Variants in TENM2 observed in about 807,000 individuals in gnomAD.
TENM2 encodes the protein teneurin-2.
Under a neutral mutation model 245.2 loss-of-function variants are expected in TENM2, and 52 were observed. That is an observed-to-expected ratio of 0.21 (90% confidence interval 0.17 to 0.27). The LOEUF (loss-of-function observed/expected upper bound fraction) is 0.27, where lower values mean the gene tolerates loss of function less well. Among genes scored for constraint, TENM2 ranks in the 10% least tolerant of loss-of-function variants. TENM2 has a pLI of 1.00. For synonymous variants in TENM2, 1,363 were observed against 1,438.9 expected (o/e 0.95, Z 1.19); for missense variants, 3,046 against 3,666.8 (o/e 0.83, Z 4.37).
the TENM2 span, among the ~76,000 whole-genome samples, chr5:167,238,995 C>A: frequency 7.2e-5 from 11 of 152,170 alleles, no homozygotes; most frequent in African/African-American, 2.4e-4. Flanking sequence ...TATTTGCATA[C>A]TTGGTTCGTA....
At position 167,316,053 on chromosome 5, in the gene TENM2, T is replaced by G. The variant is rs754511978; in HGVS notation, c.226+30990T>G. On this transcript the variant is annotated intron_variant, in intron 1 of 28. Coordinates refer to ENST00000518659, the Ensembl canonical transcript of TENM2. ...CTCTTCCTGCCTACTCTCTATAAAA[T>G]ATAAAGTTCTGTGTACCCCACTTGC... is the stretch of plus-strand genomic sequence containing the variant. 3.7e-4 allele frequency among the ~76,000 whole-genome samples: 57 copies of G among 152,302 alleles called. 1 individual carries two copies. The highest frequency in any genetic ancestry group is 4.9e-4 in the Non-Finnish European group (33 of 68,016).
chr5:168,203,594 C>A (rs925610083), intron 17 of TENM2, 95 bp from the exon 20 acceptor site: 6 of 1,296,526 alleles, frequency 4.6e-6, no homozygotes, highest in Middle Eastern at 2.0e-4. Flanking sequence ...TGTATTACTG[C>A]GAACACGTGC....
At chr5:167,501,800 A>G (rs142614237) in intron 2 of TENM2, among the ~76,000 whole-genome samples, 1,737 of 152,264 alleles carry the variant, frequency 0.011, 81 homozygotes, top group Admixed American at 0.089. Flanking sequence ...TTTTGGTGGC[A>G]GTCTTAGAAA....
At chr5:167,376,672 C>T (rs1252278280) in intron 2 of TENM2, among the ~76,000 whole-genome samples, 1 of 152,078 alleles carries the variant, frequency 6.6e-6, no homozygotes, top group Non-Finnish European at 1.5e-5. Flanking sequence ...ACTTATGCCT[C>T]CGTTCATGTA....
chr5:167,193,710 T>C, the TENM2 span, among the ~76,000 whole-genome samples: 2 of 152,056 alleles, frequency 1.3e-5, no homozygotes, highest in East Asian at 3.9e-4. Context: ...TAAAAATAAT[T>C]TTTGATCTTG....
chr5:167,723,725 G>T (rs1466228225), intron 2 of TENM2, among the ~76,000 whole-genome samples: 1 of 152,128 alleles, frequency 6.6e-6, no homozygotes, highest in Non-Finnish European at 1.5e-5. Flanking sequence ...TGTACACAAG[G>T]CTCCCTCCCT....
At chr5:168,195,833 A>T (rs1379758841) in intron 15 of TENM2, among the ~76,000 whole-genome samples, 1 of 152,070 alleles carries the variant, frequency 6.6e-6, no homozygotes, top group African/African-American at 2.4e-5. Context: ...TACATTTAGC[A>T]GTCACCCTGC....
intron 1 of TENM2, among the ~76,000 whole-genome samples, chr5:167,347,671 C>T (rs1758550803): frequency 6.6e-6 from 1 of 151,818 alleles, no homozygotes; most frequent in Admixed American, 6.6e-5. Context: ...TTCCTTCCTA[C>T]TTTATTTTTT....
At chr5:167,325,276 C>T (rs13171930) in intron 1 of TENM2, among the ~76,000 whole-genome samples, 3,738 of 152,076 alleles carry the variant, frequency 0.025, 74 homozygotes, top group Non-Finnish European at 0.039. Context: ...GAAAATTAGC[C>T]GACAAGAATT....
chr5:167,626,230 A>G (rs568538051), intron 2 of TENM2, among the ~76,000 whole-genome samples: 5 of 152,084 alleles, frequency 3.3e-5, no homozygotes, highest in South Asian at 2.1e-4. Context: ...TGGATTGTCA[A>G]TGTTTGTCTT....
At chr5:167,133,295 C>T in the TENM2 span, among the ~76,000 whole-genome samples, 567 of 152,304 alleles carry the variant, frequency 3.7e-3, 4 homozygotes, top group Non-Finnish European at 6.9e-3. Flanking sequence ...CCACACAGCC[C>T]CAGCCAGCTC....
chr5:168,233,456 A>C (rs1765130361), intron 25 of TENM2, among the ~76,000 whole-genome samples: 1 of 152,226 alleles, frequency 6.6e-6, no homozygotes, highest in Non-Finnish European at 1.5e-5. Flanking sequence ...AGAAAGATGT[A>C]ATAACTGTGC....
the TENM2 span, among the ~76,000 whole-genome samples, chr5:167,043,630 T>C: frequency 6.6e-6 from 1 of 152,096 alleles, no homozygotes; most frequent in African/African-American, 2.4e-5. Flanking sequence ...GTGGACGAAT[T>C]TTACATAGTC....
intron 2 of TENM2, among the ~76,000 whole-genome samples, chr5:167,419,190 G>A (rs376861394): frequency 1.4e-5 from 2 of 144,748 alleles, no homozygotes; most frequent in African/African-American, 5.0e-5. Flanking sequence ...GGCCAGGTAA[G>A]GTGGCTCATG....
intron 2 of TENM2, among the ~76,000 whole-genome samples, chr5:167,826,633 CTGATTGATTAATTAAT>C (rs1450788642): frequency 6.6e-6 from 1 of 152,142 alleles, no homozygotes; most frequent in Non-Finnish European, 1.5e-5. Flanking sequence ...TCCTTCCCAC[CTGATTGATTAATTAAT>C]TGATTGATTA....
chr5:168,216,401 A>C (rs537263017), intron 21 of TENM2, among the ~76,000 whole-genome samples: 1 of 152,376 alleles, frequency 6.6e-6, no homozygotes, highest in Non-Finnish European at 1.5e-5. Flanking sequence ...CTTACTACTA[A>C]TAATGTTTAG....
At chr5:167,411,736 C>T (rs1228261856) in intron 2 of TENM2, among the ~76,000 whole-genome samples, 1 of 152,000 alleles carries the variant, frequency 6.6e-6, no homozygotes, top group South Asian at 2.1e-4. Flanking sequence ...TAATAACTCT[C>T]TCTGTTGGTC....
At chr5:167,971,208 T>G (rs1418345188) in intron 4 of TENM2, among the ~76,000 whole-genome samples, 1 of 148,076 alleles carries the variant, frequency 6.8e-6, no homozygotes, top group Non-Finnish European at 1.5e-5. Context: ...GAGACAGAGA[T>G]AGAGATAAAG....
chr5:167,988,049 C>T (rs925769734), intron 4 of TENM2, among the ~76,000 whole-genome samples: 4 of 152,216 alleles, frequency 2.6e-5, no homozygotes, highest in South Asian at 2.1e-4. Context: ...CTACATCCTG[C>T]GAGGGTTTAT....
Sources: gnomAD v4.1 joint callset for allele counts (sites outside exome capture counted in the v4.1 genomes callset) on GRCh38, gnomAD v4.1.1 for gene constraint, MANE v1.5 for transcripts, NCBI Gene and HGNC (gene_info 2026-07-23, HGNC 2026-07-21) for gene names.